The following KCTD14 variants were observed in gnomAD, a reference collection of about 807,000 sequenced individuals.
KCTD14 encodes the protein BTB/POZ domain-containing protein KCTD14.
Under a neutral mutation model 5.9 loss-of-function variants are expected in KCTD14, and 7 were observed. The observed-to-expected ratio is 1.19, with a 90% CI of 0.68 to 2.23. The LOEUF is 2.23. Among genes scored for constraint, KCTD14 ranks in the 30% most tolerant of loss-of-function variants. The probability of loss-of-function intolerance (pLI) is 0.00; values close to 1 mark genes in which losing one functional copy is unlikely to be tolerated. For missense variants in KCTD14, 342 were observed against 332.2 expected, an observed-to-expected ratio of 1.03 and a Z score of -0.23; for synonymous variants, 140 against 133.1, an observed-to-expected ratio of 1.05 and a Z score of -0.36.
At chr11:78,040,277 C>G (rs997437550) in intron 1 of KCTD14, among the ~76,000 whole-genome samples, 3 of 152,188 alleles carry the variant, frequency 2.0e-5, no homozygotes, top group African/African-American at 7.2e-5. Flanking sequence ...CTCAGAAACT[C>G]ACTTCCTGCT....
chr11:78,034,038 C>T (rs1306176767), intron 2 of KCTD14, among the ~76,000 whole-genome samples: 1 of 151,692 alleles, frequency 6.6e-6, no homozygotes, highest in East Asian at 1.9e-4. Flanking sequence ...CATCATGGGA[C>T]AAAAATTACT....
chr11:78,031,248 A>T (rs951491232), intron 2 of KCTD14, among the ~76,000 whole-genome samples: 1 of 151,804 alleles, frequency 6.6e-6, no homozygotes, highest in African/African-American at 2.4e-5. Context: ...GTGTCTCACT[A>T]TGTTGCCCAG....
exon 2 of KCTD14, chr11:78,038,716 G>C: frequency 6.5e-7 from 1 of 1,535,774 alleles, no homozygotes; most frequent in South Asian, 1.2e-5. Context: ...AGGGGTGTCA[G>C]AGAGGGATCC....
intron 2 of KCTD14, among the ~76,000 whole-genome samples, chr11:78,035,844 CA>C (rs559820760): frequency 0.12 from 9,328 of 78,878 alleles, 303 homozygotes; most frequent in African/African-American, 0.2. Flanking sequence ...GACTCCATCT[CA>C]AAAAAAAAAA....
At position 78,017,150 on chromosome 11, in the gene KCTD14, T is replaced by C; in HGVS notation, c.211A>G (p.Thr71Ala). The C allele has an allele frequency of 1.2e-6, 2 of 1,614,130 alleles. No individual in the cohort carries two copies. Residue 71 changes from threonine to alanine, a missense_variant, in exon 2 of 2, where the codon ACG (threonine) becomes GCG (alanine). Thr to Ala is a moderately conservative substitution (Grantham distance 58). Coordinates refer to ENST00000353172, the MANE Select transcript of KCTD14 (RefSeq NM_023930.4). The part of the protein sequence containing the change: ...EMFSSLAKAS[T>A]DAEGRFFIDR... ...ATGAAGAAGCGGCCCTCCGCGTCCG[T>C]GGAGGCCTTGGCTAAGCTAGAGAAC...
At chr11:78,035,735 C>T (rs1408041733) in intron 2 of KCTD14, among the ~76,000 whole-genome samples, 1 of 147,686 alleles carries the variant, frequency 6.8e-6, no homozygotes, top group East Asian at 2.0e-4. Context: ...ATCCCAACTA[C>T]TTGGTAGGCT....
At chr11:78,019,485 G>A (rs1857257485) in intron 1 of KCTD14, among the ~76,000 whole-genome samples, 1 of 151,708 alleles carries the variant, frequency 6.6e-6, no homozygotes, top group African/African-American at 2.4e-5. Flanking sequence ...ATCTGGTTAT[G>A]TAAAAAAATT....
intron 1 of KCTD14, among the ~76,000 whole-genome samples, chr11:78,044,444 GT>G (rs1253061014): frequency 6.6e-6 from 1 of 152,178 alleles, no homozygotes; most frequent in African/African-American, 2.4e-5. Flanking sequence ...TGTGAGGAGG[GT>G]TGTAGTAGCT....
At chr11:78,040,764 G>A (rs1857970331) in intron 1 of KCTD14, among the ~76,000 whole-genome samples, 1 of 151,834 alleles carries the variant, frequency 6.6e-6, no homozygotes, top group East Asian at 1.9e-4. Context: ...TCCGCCTTCC[G>A]GGTTCAAGCA....
intron 2 of KCTD14, among the ~76,000 whole-genome samples, chr11:78,029,812 C>T (rs954523952): frequency 6.7e-6 from 1 of 149,466 alleles, no homozygotes; most frequent in Admixed American, 6.7e-5. Context: ...GACGGAGTCT[C>T]GCTCTGTCCC....
chr11:78,017,197 G>A lies in KCTD14; in HGVS notation c.164C>T (p.Pro55Leu), dbSNP rs373768210. 2.8e-5 allele frequency: 45 copies of A among 1,613,636 alleles called. No homozygotes were observed. Among genetic ancestry groups the A allele is most frequent in the Non-Finnish European group, 3.3e-5 (39 of 1,179,736 alleles). Residue 55 changes from proline to leucine, a missense_variant, in exon 2 of 2, where the codon CCG becomes CTG. Coordinates refer to ENST00000353172, the MANE Select transcript of KCTD14 (RefSeq NM_023930.4). ...TTTLGTLRKF[P>L]GSKLAEMFSS... ...GAACATCTCTGCCAGCTTTGAGCCC[G>A]GAAACTTCCTCAGGGTACCCAGGGT...
At chr11:78,031,909 C>T (rs1192944828) in intron 2 of KCTD14, among the ~76,000 whole-genome samples, 1 of 152,194 alleles carries the variant, frequency 6.6e-6, no homozygotes, top group Non-Finnish European at 1.5e-5. Flanking sequence ...GATAGACATG[C>T]TAAAGAGCCC....
At chr11:78,026,022 C>A (rs547176892), upstream of KCTD14, among the ~76,000 whole-genome samples, 2 of 152,280 alleles carry the variant, frequency 1.3e-5, no homozygotes, top group African/African-American at 4.8e-5. Context: ...CAAGTCTCAA[C>A]CAATTTAAAA....
chr11:78,036,258 G>A (rs1367505560), intron 2 of KCTD14, among the ~76,000 whole-genome samples: 3 of 152,244 alleles, frequency 2.0e-5, no homozygotes, highest in Non-Finnish European at 4.4e-5. Flanking sequence ...TTTCAAGTGT[G>A]AGTGTGAATG....
upstream of KCTD14, among the ~76,000 whole-genome samples, chr11:78,025,073 CAT>C (rs1373462586): frequency 1.4e-5 from 2 of 142,002 alleles, no homozygotes; most frequent in African/African-American, 2.6e-5. Flanking sequence ...TACACACACA[CAT>C]ATATACACAC....
rs373438205 is a variant in KCTD14, at chr11:78,032,789, C to A, written c.-1+5875G>T. On this transcript the variant is annotated intron_variant, in intron 2 of 2. Coordinates refer to the KCTD14 transcript ENST00000533144. ...GTGCAAAGATGGCTTAATGCAGCCT[C>A]AACCTCTCAGGCTCAACCATGTCAC... is the stretch of plus-strand genomic sequence containing the variant. 2.7e-5 allele frequency among the ~76,000 whole-genome samples: 4 copies of A among 149,580 alleles called. No homozygotes were observed. The South Asian group carries it at 8.4e-4, about 31-fold the overall frequency.
intron 1 of KCTD14, among the ~76,000 whole-genome samples, chr11:78,020,841 C>T (rs1344386833): frequency 6.6e-6 from 1 of 152,192 alleles, no homozygotes; most frequent in Non-Finnish European, 1.5e-5. Context: ...ACTGCCAATA[C>T]TTTGATATGT....
chr11:78,033,796 A>T (rs909701406), intron 2 of KCTD14, among the ~76,000 whole-genome samples: 3 of 149,750 alleles, frequency 2.0e-5, no homozygotes, highest in Admixed American at 1.3e-4. Context: ...CAATGAGCCG[A>T]GATCACACCA....
At chr11:78,038,341 A>G (rs765151193) in intron 2 of KCTD14, among the ~76,000 whole-genome samples, 3 of 151,988 alleles carry the variant, frequency 2.0e-5, no homozygotes, top group Non-Finnish European at 4.4e-5. Context: ...TCTTACCCCA[A>G]ACCTCTTTCT....
Sources: allele counts gnomAD v4.1 joint callset (sites outside exome capture counted in the v4.1 genomes callset), GRCh38; gene constraint gnomAD v4.1.1; transcripts MANE v1.5; gene names NCBI Gene and HGNC (gene_info 2026-07-23, HGNC 2026-07-21).